Variants in AMPH observed in about 807,000 individuals in gnomAD.
The protein encoded by AMPH is amphiphysin, also known as amphiphysin (Stiff-Mann syndrome with breast cancer 128kD autoantigen).
Under a neutral mutation model 99.1 loss-of-function variants are expected in AMPH, and 49 were observed. The observed-to-expected ratio is 0.49, with a 90% CI of 0.39 to 0.63. The LOEUF (loss-of-function observed/expected upper bound fraction) is 0.63. Among genes scored for constraint, AMPH ranks in the 20% least tolerant of loss-of-function variants. The pLI is 0.00. For missense variants in AMPH, 759 were observed against 863.4 expected (o/e 0.88, Z 1.52); for synonymous variants, 314 against 317.3 (o/e 0.99, Z 0.11).
At chr7:38,525,258 GTA>G (rs141925117) in intron 2 of AMPH, among the ~76,000 whole-genome samples, 180 of 111,198 alleles carry the variant, frequency 1.6e-3, no homozygotes, top group South Asian at 7.1e-3. Flanking sequence ...GTGTGTGTGT[GTA>G]TATATATATA....
chr7:38,421,638 C>T (rs775994024), intron 16 of AMPH, among the ~76,000 whole-genome samples: 9 of 152,182 alleles, frequency 5.9e-5, no homozygotes, highest in Non-Finnish European at 1.0e-4. Flanking sequence ...TATTTAATCT[C>T]AATTCCAAGC....
Position 38,466,244 on chromosome 7 carries a change from C to T in AMPH, c.595G>A (p.Val199Ile). Residue 199 changes from valine to isoleucine, a missense_variant, in exon 8 of 21, where the codon GTT becomes ATT. Transcript: ENST00000356264. ...EELPSLWSRR[V>I]GFYVNTFKNV... ...TTGAAAGTATTAACATAAAATCCAA[C>T]TCGTCTGCCATGTGGAAACACAAAG... 1 of 1,590,052 alleles carries T rather than the reference C, an allele frequency of 6.3e-7. No individual in the cohort carries two copies. Among genetic ancestry groups the T allele is most frequent in the Non-Finnish European group, 8.5e-7 (1 of 1,172,894 alleles).
intron 7 of AMPH, among the ~76,000 whole-genome samples, chr7:38,475,038 T>C (rs571700674): frequency 5.9e-5 from 9 of 152,286 alleles, no homozygotes; most frequent in African/African-American, 1.9e-4. Flanking sequence ...AGGTCTAAAA[T>C]TGTGTCATCC....
rs544084718 is a variant in AMPH at position 38,521,350 on chromosome 7, GTC to G, written c.150+13579_150+13580del. ...CAGCCTGGCCAACATGGCAAAACCT[GTC>G]TCTACCAAAAACACAAAAATTAGTC... On this transcript the variant is annotated intron_variant, in intron 2 of 20. Coordinates refer to ENST00000356264, the MANE Select transcript of AMPH (RefSeq NM_001635.4). Among the ~76,000 whole-genome samples the G allele has an allele frequency of 4.1e-4, 63 of 152,190 alleles. 1 individual carries two copies. The highest frequency in any genetic ancestry group is 7.5e-4 in the Non-Finnish European group (51 of 67,996).
At chr7:38,456,435 C>T (rs1231212223) in intron 11 of AMPH, among the ~76,000 whole-genome samples, 2 of 152,168 alleles carry the variant, frequency 1.3e-5, no homozygotes, top group East Asian at 3.8e-4. Context: ...TCTTGTCACC[C>T]CAGTGCTTCA....
chr7:38,480,733 T>A (rs760460553), intron 5 of AMPH, among the ~76,000 whole-genome samples: 1 of 152,184 alleles, frequency 6.6e-6, no homozygotes, highest in Non-Finnish European at 1.5e-5. Flanking sequence ...GAACACCATG[T>A]GCCTATAAGG....
At chr7:38,548,327 C>G (rs1211505381) in intron 1 of AMPH, among the ~76,000 whole-genome samples, 24 of 151,716 alleles carry the variant, frequency 1.6e-4, no homozygotes, top group Non-Finnish European at 1.2e-4. Context: ...CTGCACCCGG[C>G]CCCTTGTGGG....
intron 1 of AMPH, among the ~76,000 whole-genome samples, chr7:38,566,575 C>T (rs1439794986): frequency 6.6e-6 from 1 of 152,242 alleles, no homozygotes; most frequent in Admixed American, 6.5e-5. Context: ...AGAGCTTCTG[C>T]ACAGCAAAAG....
At chr7:38,409,865 A>T (rs987341062) in intron 17 of AMPH, among the ~76,000 whole-genome samples, 1 of 152,218 alleles carries the variant, frequency 6.6e-6, no homozygotes, top group Admixed American at 6.5e-5. Context: ...ATCCAATAAT[A>T]ATACAGATCA....
chr7:38,463,313 T>C, intron 9 of AMPH, 200 bp from the exon 10 acceptor site: 1 of 715,912 alleles, frequency 1.4e-6, no homozygotes, highest in Non-Finnish European at 2.5e-6. Context: ...GAGACCTCAT[T>C]CATGTATTAT....
At chr7:38,481,777 G>A (rs1389711632) in intron 5 of AMPH, among the ~76,000 whole-genome samples, 2 of 150,764 alleles carry the variant, frequency 1.3e-5, no homozygotes, top group African/African-American at 2.5e-5. Flanking sequence ...ATTTCAATAG[G>A]AGGCAAGGAA....
intron 1 of AMPH, among the ~76,000 whole-genome samples, chr7:38,586,125 C>T (rs1375637099): frequency 1.3e-5 from 2 of 152,100 alleles, no homozygotes; most frequent in Non-Finnish European, 2.9e-5. Flanking sequence ...GCCTGGACTT[C>T]CAAATATTTC....
intron 2 of AMPH, among the ~76,000 whole-genome samples, chr7:38,530,102 T>C (rs1321176088): frequency 6.6e-6 from 1 of 152,166 alleles, no homozygotes; most frequent in Non-Finnish European, 1.5e-5. Context: ...GCACTCAAAG[T>C]GATAATTTCT....
At chr7:38,611,893 C>A (rs763049745) in intron 1 of AMPH, among the ~76,000 whole-genome samples, 3 of 152,076 alleles carry the variant, frequency 2.0e-5, no homozygotes, top group African/African-American at 7.2e-5. Flanking sequence ...ATTTTACTGA[C>A]AAGATAGCTA....
intron 1 of AMPH, among the ~76,000 whole-genome samples, chr7:38,588,277 G>T: frequency 6.6e-6 from 1 of 152,044 alleles, no homozygotes; most frequent in East Asian, 1.9e-4. Context: ...TAATTAAGAT[G>T]GAAGATGGGA....
intron 1 of AMPH, among the ~76,000 whole-genome samples, chr7:38,603,314 CA>C (rs59085219): frequency 0.47 from 44,504 of 94,476 alleles, 6,911 homozygotes; most frequent in Middle Eastern, 0.52. Context: ...GACTCTGTCT[CA>C]AAAAAAAAAA....
intron 3 of AMPH, among the ~76,000 whole-genome samples, chr7:38,502,807 T>G (rs1056948684): frequency 6.6e-6 from 1 of 152,174 alleles, no homozygotes; most frequent in African/African-American, 2.4e-5. Flanking sequence ...CTGAAGTTAA[T>G]AGAGTCCAGT....
At chr7:38,437,696 T>A (rs1231285769) in intron 11 of AMPH, among the ~76,000 whole-genome samples, 1 of 151,394 alleles carries the variant, frequency 6.6e-6, no homozygotes, top group Admixed American at 6.6e-5. Context: ...CCCAGCTACT[T>A]GGGAGGCTGA....
intron 1 of AMPH, among the ~76,000 whole-genome samples, chr7:38,551,337 G>A (rs1021559077): frequency 5.3e-5 from 8 of 152,182 alleles, no homozygotes; most frequent in African/African-American, 1.9e-4. Context: ...TCCTCAGCAA[G>A]TGGCTGTGAA....
Sources: allele counts gnomAD v4.1 joint callset (sites outside exome capture counted in the v4.1 genomes callset), GRCh38; gene constraint gnomAD v4.1.1; transcripts MANE v1.5; gene names NCBI Gene and HGNC (gene_info 2026-07-23, HGNC 2026-07-21).